The following MTHFD1 variants were observed in gnomAD, a reference collection of about 807,000 sequenced individuals.
The protein encoded by MTHFD1 is C-1-tetrahydrofolate synthase, cytoplasmic.
A neutral mutation model predicts 110.3 loss-of-function variants in MTHFD1; 44 were observed. That is an observed-to-expected ratio of 0.40 (90% confidence interval 0.31 to 0.51). The LOEUF (loss-of-function observed/expected upper bound fraction) is 0.51, where lower values mean the gene tolerates loss of function less well. Ranked by LOEUF, MTHFD1 falls within the 20% of genes least tolerant of loss-of-function variation. The pLI is 0.60. For synonymous variants in MTHFD1, 402 were observed against 428.8 expected, an observed-to-expected ratio of 0.94 and a Z score of 0.77; for missense variants, 909 against 1,173.1, an observed-to-expected ratio of 0.77 and a Z score of 3.29.
rs776174229 is a variant in MTHFD1 at position 64,459,786 on chromosome 14, T to G, written c.*32T>G. On this transcript the variant is annotated 3_prime_UTR_variant, in exon 28 of 28. Transcript: ENST00000652337. The stretch of plus-strand genomic sequence containing the variant: ...CACCATCCATCTTCAAGAAGCTACT[T>G]TGAAAGTCTGGCCAGTGTCTATTCA... 2 of 1,534,662 alleles carry G rather than the reference T, an allele frequency of 1.3e-6. No homozygotes were observed. Among genetic ancestry groups the G allele is most frequent in the East Asian group, 2.4e-5 (1 of 40,914 alleles).
At chr14:64,459,689 G>A (rs1018657868) in intron 27 of MTHFD1, 70 bp from the exon 28 acceptor site, 48 of 1,334,616 alleles carry the variant, frequency 3.6e-5, no homozygotes, top group South Asian at 2.8e-4. Flanking sequence ...TAATGGTGCA[G>A]TATGGAAGGA....
Position 64,415,405 on chromosome 14 carries a change from G to T in MTHFD1, c.288G>T (p.Gly96=). The change falls in exon 5 of 28, where the codon GGG becomes GGT. Residue 96 remains glycine (G), a synonymous_variant. Coordinates refer to ENST00000652337, the MANE Select transcript of MTHFD1 (RefSeq NM_005956.4). ...TGAATGAAGACTCTACTGTACATGG[G>T]TTCTTAGTGCAGCTACCTTTAGATT... The part of the protein sequence containing the change: ...TSLNEDSTVH[G]FLVQLPLDSE... 6.2e-7 allele frequency: 1 copy of T among 1,612,660 alleles called. No homozygotes were observed. Among genetic ancestry groups the T allele is most frequent in the South Asian group, 1.1e-5 (1 of 91,050 alleles).
rs77950124 is a variant in MTHFD1 at position 64,449,716 on chromosome 14, C to T, written c.2457+94C>T. On this transcript the variant is annotated intron_variant, in intron 24 of 27. Coordinates refer to ENST00000652337, the MANE Select transcript of MTHFD1 (RefSeq NM_005956.4). ...ACTTCTATTAGAGCCCCATGCTTCGCAGCTTCAGCCTTGCGGTTTGATTCC... is the reference window on the plus strand; with the variant it reads ...ACTTCTATTAGAGCCCCATGCTTCGTAGCTTCAGCCTTGCGGTTTGATTCC... The T allele has an allele frequency of 5.9e-4, 847 of 1,441,096 alleles. 5 individuals carry two copies. In the East Asian group the frequency reaches 0.018, roughly 31 times the overall value. The allele number at this position is 1,441,096 out of a possible 1,614,324, so 89.3% of individuals were successfully genotyped here.
At chr14:64,420,996 G>A (rs115499603) in intron 8 of MTHFD1, among the ~76,000 whole-genome samples, 218 of 152,278 alleles carry the variant, frequency 1.4e-3, no homozygotes, top group African/African-American at 5.1e-3. Flanking sequence ...CTTTAACGGA[G>A]CAACTACTGT....
At chr14:64,405,613 A>G (rs1315768540) in intron 2 of MTHFD1, among the ~76,000 whole-genome samples, 3 of 152,140 alleles carry the variant, frequency 2.0e-5, no homozygotes, top group South Asian at 2.1e-4. Context: ...GTTAGGGGCT[A>G]TTGTCCTATT....
At chr14:64,399,824 G>A (rs1031263073) in intron 1 of MTHFD1, among the ~76,000 whole-genome samples, 4 of 152,008 alleles carry the variant, frequency 2.6e-5, no homozygotes, top group Non-Finnish European at 5.9e-5. Context: ...CGTCCAGGCT[G>A]GAGTGCAATG....
intron 2 of MTHFD1, among the ~76,000 whole-genome samples, chr14:64,404,582 C>G (rs2077923233): frequency 6.6e-6 from 1 of 152,198 alleles, no homozygotes; most frequent in Admixed American, 6.5e-5. Context: ...GAGTTTCACC[C>G]AAGTTGGACA....
In MTHFD1 at chr14:64,426,206, T is replaced by G; in HGVS notation, c.1127+14T>G. 6.2e-7 allele frequency: 1 copy of G among 1,614,114 alleles called. No homozygotes were observed. The highest frequency in any genetic ancestry group is 8.5e-7 in the Non-Finnish European group (1 of 1,180,012). ...GGTGGTGACTGGGTATGCTTTTTAT[T>G]CATGTTGCCATCCAAATCTTAGTAT... On this transcript the variant is annotated intron_variant, in intron 11 of 27. Transcript: ENST00000652337.
rs533781263 is a variant in MTHFD1 at position 64,412,701 on chromosome 14, G to A, written c.240+176G>A. Among the ~76,000 whole-genome samples the A allele has an allele frequency of 1.3e-4, 19 of 145,834 alleles. 1 individual carries two copies. In the East Asian group the frequency reaches 1.6e-3, roughly 13 times the overall value. On this transcript the variant is annotated intron_variant, in intron 4 of 27. Coordinates refer to ENST00000652337, the MANE Select transcript of MTHFD1 (RefSeq NM_005956.4). ...CACCCAGGCTGGAGAGCAATGATGC[G>A]ATCTCGACTCTCTGCAACCTCCGCC...
chr14:64,455,172 T>C (rs2078449067), intron 26 of MTHFD1: 1 of 405,408 alleles, frequency 2.5e-6, no homozygotes, highest in East Asian at 5.7e-5. Flanking sequence ...GCCCAGTTGA[T>C]AGGCTGGGGT....
In MTHFD1 at chr14:64,459,922, CTCA is replaced by C; in HGVS notation, c.*173_*175del. 1 of 1,534,976 alleles carries C rather than the reference CTCA, an allele frequency of 6.5e-7. No individual in the cohort carries two copies. Among genetic ancestry groups the C allele is most frequent in the African/African-American group, 1.4e-5 (1 of 73,114 alleles). ...CCAGAAGTCATTTTCAGCCTTAATT[CTCA>C]TCATGTATAAATTAACATAAATCAT... On this transcript the variant is annotated 3_prime_UTR_variant, in exon 28 of 28. Transcript: ENST00000652337.
In MTHFD1 at chr14:64,415,687, C is replaced by T. The variant is rs1214089813; in HGVS notation, c.426C>T (p.Asp142=). 6.2e-7 allele frequency: 1 copy of T among 1,613,952 alleles called. No individual in the cohort carries two copies. Among genetic ancestry groups the T allele is most frequent in the African/African-American group, 1.3e-5 (1 of 75,026 alleles). ...AACTTGCTAGAGGTGACCTCAATGA[C>T]TGTTTCATTCCTTGTACGCCTAAGG... ...AGKLARGDLN[D]CFIPCTPKGC... The change falls in exon 6 of 28, where the codon GAC becomes GAT. Residue 142 remains aspartate (D), a synonymous_variant. Transcript: ENST00000652337.
At chr14:64,423,797 G>A (rs905965898) in intron 8 of MTHFD1, among the ~76,000 whole-genome samples, 6 of 151,324 alleles carry the variant, frequency 4.0e-5, no homozygotes, top group Admixed American at 1.3e-4. Flanking sequence ...CGCAATCTCC[G>A]CTCACTGCAA....
chr14:64,402,553 A>T (rs1448267469), intron 2 of MTHFD1, among the ~76,000 whole-genome samples: 1 of 152,182 alleles, frequency 6.6e-6, no homozygotes, highest in African/African-American at 2.4e-5. Context: ...TTGTTATTTC[A>T]AGTAGGTGTT....
At chr14:64,414,286 CTTTTTTTTT>C (rs3062425) in intron 4 of MTHFD1, among the ~76,000 whole-genome samples, 1 of 86,460 alleles carries the variant, frequency 1.2e-5, no homozygotes, top group Admixed American at 1.3e-4. Flanking sequence ...CCTGTCCCCG[CTTTTTTTTT>C]TTTTTTTTTT....
At chr14:64,410,415 G>T (rs376892237) in intron 2 of MTHFD1, among the ~76,000 whole-genome samples, 8 of 137,964 alleles carry the variant, frequency 5.8e-5, no homozygotes, top group African/African-American at 1.0e-4. Context: ...GATGGGGGGG[G>T]GGGTCTCACT....
rs1566574568 is a variant in MTHFD1, at chr14:64,448,202, C to T, written c.2179-15C>T. On this transcript the variant is annotated splice_polypyrimidine_tract_variant and intron_variant, in intron 22 of 27. Coordinates refer to ENST00000652337, the MANE Select transcript of MTHFD1 (RefSeq NM_005956.4). ...ACTCTCTGATCTCATAGGCCTTTCA[C>T]TGTTGTTTTTACAGAACCTGGAGCT... The T allele has an allele frequency of 5.6e-6, 9 of 1,601,202 alleles. No homozygotes were observed. The East Asian group carries it at 1.8e-4, about 32-fold the overall frequency.
intron 26 of MTHFD1, among the ~76,000 whole-genome samples, chr14:64,457,212 T>C (rs2078488528): frequency 1.3e-5 from 2 of 152,168 alleles, no homozygotes; most frequent in Non-Finnish European, 2.9e-5. Context: ...AAAAATCACA[T>C]GGGCAGCTCA....
rs774607175 is a variant in MTHFD1 at position 64,449,619 on chromosome 14, C to A, written c.2454C>A (p.Leu818=). The change falls in exon 24 of 28, where the codon CTC becomes CTA. Residue 818 remains leucine (L), a synonymous_variant. Coordinates refer to ENST00000652337, the MANE Select transcript of MTHFD1 (RefSeq NM_005956.4). ...APSSFQLLYD[L]KLPVEDKIRI... ...GCAGCTTCCAGCTCCTTTATGACCT[C>A]AAGGTGGGTGATTTGCTGTCTGCAA... is the stretch of plus-strand genomic sequence containing the variant. 3 of 1,614,010 alleles carry A rather than the reference C, an allele frequency of 1.9e-6. No homozygotes were observed. The East Asian group carries it at 6.7e-5, about 36-fold the overall frequency.
Sources: allele counts gnomAD v4.1 joint callset (sites outside exome capture counted in the v4.1 genomes callset), GRCh38; gene constraint gnomAD v4.1.1; transcripts MANE v1.5; gene names NCBI Gene and HGNC (gene_info 2026-07-23, HGNC 2026-07-21).